The following WNT3A variants were observed in gnomAD, a reference collection of about 807,000 sequenced individuals.
WNT3A encodes Wnt family member 3A, also known as protein Wnt-3a.
A neutral mutation model predicts 37.0 loss-of-function variants in WNT3A; 17 were observed. The observed-to-expected ratio is 0.46, with a 90% confidence interval of 0.31 to 0.69. The LOEUF is 0.69. WNT3A is among the 30% of genes least tolerant of loss of function. WNT3A has a pLI of 0.05. For synonymous variants in WNT3A, 187 were observed against 211.0 expected, an observed-to-expected ratio of 0.89 and a Z score of 0.99; for missense variants, 411 against 510.2, an observed-to-expected ratio of 0.81 and a Z score of 1.87.
intron 3 of WNT3A, among the ~76,000 whole-genome samples, chr1:228,054,086 G>A (rs189318527): frequency 6.6e-6 from 1 of 152,236 alleles, no homozygotes; most frequent in Non-Finnish European, 1.5e-5. Flanking sequence ...GCCCACCAAG[G>A]GTGCCATCTC....
chr1:228,045,166 CCTTG>C (rs2031371821), intron 2 of WNT3A, among the ~76,000 whole-genome samples: 1 of 152,120 alleles, frequency 6.6e-6, no homozygotes, highest in Admixed American at 6.5e-5. Context: ...ATCTCGAGGC[CCTTG>C]TTATGGGCAG....
At chr1:228,033,392 C>T (rs906503019) in intron 2 of WNT3A, among the ~76,000 whole-genome samples, 2 of 152,162 alleles carry the variant, frequency 1.3e-5, no homozygotes, top group African/African-American at 4.8e-5. Context: ...ATGTGGAAAT[C>T]CAGTTATTCC....
At chr1:228,055,216 A>ATATATATATG (rs1490963885) in intron 3 of WNT3A, among the ~76,000 whole-genome samples, 12 of 130,338 alleles carry the variant, frequency 9.2e-5, no homozygotes, top group Admixed American at 3.2e-4. Context: ...ATATATATAT[A>ATATATATATG]TATACACACA....
intron 2 of WNT3A, among the ~76,000 whole-genome samples, chr1:228,036,633 A>T (rs61395321): frequency 0.014 from 2,077 of 152,278 alleles, 46 homozygotes; most frequent in African/African-American, 0.048. Flanking sequence ...GGTAGAAAGC[A>T]TTTGAGGAAT....
intron 3 of WNT3A, among the ~76,000 whole-genome samples, chr1:228,051,613 C>G (rs954087972): frequency 3.3e-5 from 5 of 152,164 alleles, no homozygotes; most frequent in African/African-American, 9.7e-5. Context: ...ATGGATGATG[C>G]CTTCTGTGTC....
intron 3 of WNT3A, among the ~76,000 whole-genome samples, chr1:228,058,348 A>C (rs563750972): frequency 5.9e-5 from 9 of 152,238 alleles, no homozygotes; most frequent in Admixed American, 5.2e-4. Context: ...TGATGTTCAC[A>C]TGCCCCTTCA....
At position 228,031,523 on chromosome 1, in the gene WNT3A, G is replaced by A. The variant is rs1404296715; in HGVS notation, c.313+8615G>A. On this transcript the variant is annotated intron_variant, in intron 2 of 3. Coordinates refer to ENST00000284523, the MANE Select transcript of WNT3A (RefSeq NM_033131.4). The surrounding 1 kb of genome is among the most constrained non-coding windows in gnomAD (Gnocchi z 4.8). ...TGTGATGCATTGTGTGTATGTGAGT[G>A]TGCACGTGTGTGGGAATGTGGTGTG... 2.6e-5 allele frequency among the ~76,000 whole-genome samples: 4 copies of A among 152,138 alleles called. No homozygotes were observed. Among genetic ancestry groups the A allele is most frequent in the Non-Finnish European group, 4.4e-5 (3 of 67,998 alleles).
At chr1:228,043,913 C>T (rs1216481894) in intron 2 of WNT3A, among the ~76,000 whole-genome samples, 3 of 152,184 alleles carry the variant, frequency 2.0e-5, no homozygotes, top group Non-Finnish European at 4.4e-5. Flanking sequence ...GTGCCTGCCA[C>T]TTGGACATTC....
At chr1:228,013,632 C>T (rs1412592436) in intron 1 of WNT3A, among the ~76,000 whole-genome samples, 1 of 152,220 alleles carries the variant, frequency 6.6e-6, no homozygotes, top group East Asian at 1.9e-4. Context: ...GACCTGGGGG[C>T]CTTAAGTCCT....
At chr1:228,015,643 C>G (rs2030505872) in intron 1 of WNT3A, among the ~76,000 whole-genome samples, 1 of 152,098 alleles carries the variant, frequency 6.6e-6, no homozygotes, top group African/African-American at 2.4e-5. Context: ...TCACTGTGAT[C>G]CAGATCGTTG....
At chr1:228,017,855 G>A (rs190899437) in intron 1 of WNT3A, among the ~76,000 whole-genome samples, 1 of 152,326 alleles carries the variant, frequency 6.6e-6, no homozygotes, top group African/African-American at 2.4e-5. Context: ...GGTCTGAGAA[G>A]CTTAGGTGTT....
At chr1:228,052,300 C>T (rs1399619171) in intron 3 of WNT3A, among the ~76,000 whole-genome samples, 3 of 151,950 alleles carry the variant, frequency 2.0e-5, no homozygotes, top group African/African-American at 7.3e-5. Flanking sequence ...CATGCCACCA[C>T]ACCTGGCTAA....
intron 2 of WNT3A, among the ~76,000 whole-genome samples, chr1:228,045,621 C>T (rs2031386277): frequency 6.6e-6 from 1 of 152,174 alleles, no homozygotes; most frequent in African/African-American, 2.4e-5. Flanking sequence ...GCAGTGGGTT[C>T]AGCAAAGGCC....
intron 2 of WNT3A, among the ~76,000 whole-genome samples, chr1:228,048,063 G>A (rs542891640): frequency 1.1e-3 from 172 of 152,300 alleles, no homozygotes; most frequent in African/African-American, 4.1e-3. Flanking sequence ...CCCCTATGAT[G>A]ACTCTGTTGT....
At chr1:228,049,761 A>G (rs1460777142) in intron 2 of WNT3A, among the ~76,000 whole-genome samples, 1 of 152,106 alleles carries the variant, frequency 6.6e-6, no homozygotes, top group East Asian at 1.9e-4. Context: ...GATGTCGACC[A>G]TCTTTCCAGG....
intron 3 of WNT3A, among the ~76,000 whole-genome samples, chr1:228,057,928 C>G (rs865869796): frequency 2.6e-5 from 4 of 152,298 alleles, no homozygotes; most frequent in East Asian, 1.9e-4. Context: ...GCTGCCTCCC[C>G]CTCCTGGCTC....
Position 228,039,743 on chromosome 1 carries a change from C to T in WNT3A, c.314-10913C>T, listed in dbSNP as rs905816959. ...TGATTCATTGGCCCCCCAGCCATGA[C>T]CATTGTTGGAAGCCTCCAGTCCTAA... On this transcript the variant is annotated intron_variant, in intron 2 of 3. Transcript: ENST00000284523. This position sits in a 1 kb window ranked among gnomAD's most constrained non-coding sequence, Gnocchi z 4.1. Among the ~76,000 whole-genome samples the T allele has an allele frequency of 2.4e-4, 37 of 152,274 alleles. 1 individual carries two copies. The highest frequency in any genetic ancestry group is 8.7e-4 in the African/African-American group (36 of 41,554).
At position 228,059,287 on chromosome 1, in the gene WNT3A, A is replaced by C. The variant is rs2031744391; in HGVS notation, c.881A>C (p.Asp294Ala). The change falls in exon 4 of 4, where the codon GAC becomes GCC. Residue 294 changes from aspartate to alanine, a missense_variant. By Grantham distance (126) the Asp-to-Ala change is moderately radical. Coordinates refer to ENST00000284523, the MANE Select transcript of WNT3A (RefSeq NM_033131.4). Reference sequence around the variant, plus strand: ...GAGACGGGCTCCTTCGGCACGCGCGACCGCACCTGCAACGTCAGCTCGCAC... The same window carrying C: ...GAGACGGGCTCCTTCGGCACGCGCGCCCGCACCTGCAACGTCAGCTCGCAC... ...NPETGSFGTRDRTCNVSSHGI... is the reference protein window; with the variant it reads ...NPETGSFGTRARTCNVSSHGI... 2 of 1,591,026 alleles carry C rather than the reference A, an allele frequency of 1.3e-6. No homozygotes were observed. The highest frequency in any genetic ancestry group is 1.7e-6 in the Non-Finnish European group (2 of 1,172,932).
chr1:228,022,706 G>T lies in WNT3A; in HGVS notation c.111G>T (p.Ser37=), dbSNP rs767062258. 5.0e-6 allele frequency: 8 copies of T among 1,614,090 alleles called. No homozygotes were observed. The highest frequency in any genetic ancestry group is 5.9e-6 in the Non-Finnish European group (7 of 1,180,004). ...AVGPQYSSLG[S]QPILCASIPG... ...GGCCACAGTATTCCTCCCTGGGCTC[G>T]CAGCCCATCCTGTGTGCCAGCATCC... is the stretch of plus-strand genomic sequence containing the variant. The change falls in exon 2 of 4, where the codon TCG becomes TCT. Residue 37 remains serine (S), a synonymous_variant. Coordinates refer to ENST00000284523, the MANE Select transcript of WNT3A (RefSeq NM_033131.4).
Sources: allele counts gnomAD v4.1 joint callset (sites outside exome capture counted in the v4.1 genomes callset), GRCh38; gene constraint gnomAD v4.1.1; non-coding constraint Gnocchi (gnomAD v3.1); transcripts MANE v1.5; gene names NCBI Gene and HGNC (gene_info 2026-07-23, HGNC 2026-07-21).